Variants in FAM3A observed in about 807,000 individuals in gnomAD.
FAM3A encodes protein FAM3A.
FAM3A carries 5 observed loss-of-function variants against 18.1 expected under a neutral mutation model. That is an observed-to-expected ratio of 0.28 (90% CI 0.14 to 0.58). The LOEUF is 0.58. FAM3A is among the 20% of genes least tolerant of loss of function. The pLI is 0.91. For missense variants in FAM3A, 154 were observed against 216.6 expected, an observed-to-expected ratio of 0.71 and a Z score of 1.81; for synonymous variants, 108 against 90.2, an observed-to-expected ratio of 1.20 and a Z score of -1.12.
At position 154,507,487 on chromosome X, in the gene FAM3A, A is replaced by T. The variant is rs782495251; in HGVS notation, c.389T>A (p.Val130Asp). The stretch of plus-strand genomic sequence containing the variant: ...CCGAATAAACTTCAACAGGTCGTTG[A>T]CATCTGGGGGGGCAGGTGCCACGGA... ...ARAFDMWAGD[V>D]NDLLKFIRPL... The change falls in exon 7 of 9, where the codon GTC becomes GAC. Residue 130 changes from valine (V) to aspartate (D), a missense_variant. Physicochemically the swap from Val to Asp is radical, Grantham distance 152. This residue lies in a region of FAM3A where 112 missense variants were observed against 160.0 expected (regional missense o/e 0.70). Coordinates refer to ENST00000447601, the MANE Select transcript of FAM3A (RefSeq NM_021806.4). 6 of 1,209,279 alleles carry T rather than the reference A, an allele frequency of 5.0e-6. No individual in the cohort carries two copies. The Admixed American group carries it at 1.3e-4, about 26-fold the overall frequency.
intron 2 of FAM3A, chrX:154,512,248 T>TAAG (rs1236962825): frequency 3.0e-4 from 26 of 85,578 alleles, no homozygotes; most frequent in Non-Finnish European, 5.0e-4. Flanking sequence ...ATAATAATAA[T>TAAG]AATAATAATA....
At chrX:154,512,004 C>T in intron 2 of FAM3A, 133 bp from the exon 3 acceptor site, 3 of 508,143 alleles carry the variant, frequency 5.9e-6, no homozygotes, top group Non-Finnish European at 6.7e-6. Context: ...GCCAGGCCGA[C>T]CTTGGCATGC....
chrX:154,507,731 C>G (rs1024472065), intron 6 of FAM3A, 80 bp downstream of exon 6: 10 of 982,701 alleles, frequency 1.0e-5, no homozygotes, highest in Middle Eastern at 2.6e-4. Context: ...CAAGTACAGA[C>G]AGAGAGAGCA....
At position 154,508,558 on chromosome X, in the gene FAM3A, G is replaced by A; in HGVS notation, c.191C>T (p.Pro64Leu). 5 of 1,199,609 alleles carry A rather than the reference G, an allele frequency of 4.2e-6. No homozygotes were observed. Among genetic ancestry groups the A allele is most frequent in the Admixed American group, 2.2e-5 (1 of 44,456 alleles). ...GAAGGCCAGGTGCTCCTCAGGACAC[G>A]GCTGGGGCAGGCCACACTTGTACTT... ...ARKYKCGLPQ[P>L]CPEEHLAFRV... is the part of the protein sequence containing the mutation. Residue 64 changes from proline (P) to leucine (L), a missense_variant, in exon 4 of 9, where the codon CCG (proline) becomes CTG (leucine). Around this residue, in one of 3 missense-constraint regions of FAM3A, gnomAD observed 112 missense variants for 160.0 expected, o/e 0.70. Transcript: ENST00000447601.
chrX:154,515,590 G>A (rs1557225379), intron 1 of FAM3A, among the ~76,000 whole-genome samples, 170 bp downstream of exon 1: 1 of 112,375 alleles, frequency 8.9e-6, no homozygotes, highest in Non-Finnish European at 1.9e-5. Context: ...GTCCTCAGAG[G>A]TGAAAGGATT....
intron 1 of FAM3A, among the ~76,000 whole-genome samples, chrX:154,513,702 C>T (rs1327827851): frequency 1.8e-5 from 2 of 110,428 alleles, no homozygotes; most frequent in African/African-American, 6.6e-5. Flanking sequence ...ACCTGGATTG[C>T]AAGCTCCCCA....
chrX:154,512,394 G>A (rs1557223374), intron 2 of FAM3A: 1 of 233,456 alleles, frequency 4.3e-6, no homozygotes, highest in Non-Finnish European at 7.8e-6. Context: ...AACCGAGATT[G>A]CACCACTGCA....
In FAM3A at chrX:154,506,445, T is replaced by A; in HGVS notation, c.*366A>T. The stretch of plus-strand genomic sequence containing the variant: ...TGGAAGACGCCCCAACCTGCCGGGC[T>A]GCTCCCAGAGATGCACAGTGAGGGG... On this transcript the variant is annotated 3_prime_UTR_variant, in exon 9 of 9. Coordinates refer to ENST00000447601, the MANE Select transcript of FAM3A (RefSeq NM_021806.4). The A allele has an allele frequency of 4.6e-6, 1 of 217,196 alleles. No homozygotes were observed. The highest frequency in any genetic ancestry group is 8.6e-6 in the Non-Finnish European group (1 of 116,064). The allele number at this position is 217,196 out of a possible 1,213,427, so 17.9% of individuals were successfully genotyped here. A position where few individuals can be genotyped will look rare whatever the true frequency, so the allele number is the denominator to read the frequency against.
chrX:154,507,175 TG>T, intron 8 of FAM3A, 27 bp downstream of exon 8: 1 of 1,181,276 alleles, frequency 8.5e-7, no homozygotes, highest in South Asian at 1.8e-5. Flanking sequence ...GCTGCCCCGG[TG>T]GGGGTGATGC....
At chrX:154,514,867 C>T (rs142336884) in intron 1 of FAM3A, among the ~76,000 whole-genome samples, 2,147 of 106,879 alleles carry the variant, frequency 0.02, 22 homozygotes, top group Middle Eastern at 0.12. Flanking sequence ...TTTTTTGAGA[C>T]GGAGTCTCGC....
chrX:154,511,283 A>G (rs2069855552), intron 3 of FAM3A: 1 of 112,072 alleles, frequency 8.9e-6, no homozygotes, highest in Non-Finnish European at 1.9e-5. Flanking sequence ...TACAATGAAG[A>G]TGGGGTTATC....
rs782519169 is a variant in FAM3A, at chrX:154,506,706, G to A, written c.*105C>T. The A allele has an allele frequency of 9.0e-5, 55 of 611,525 alleles. No individual in the cohort carries two copies. Among genetic ancestry groups the A allele is most frequent in the African/African-American group, 1.5e-4 (7 of 45,523 alleles). The allele number at this position is 611,525 out of a possible 1,213,427, so 50.4% of individuals were successfully genotyped here. Reference sequence around the variant, plus strand: ...CCCCGATGTGTTGGGGCCAGGGAGCGCTCCTGCCCGGGTGTGGGGTGTGAG... The same window carrying A: ...CCCCGATGTGTTGGGGCCAGGGAGCACTCCTGCCCGGGTGTGGGGTGTGAG... On this transcript the variant is annotated 3_prime_UTR_variant, in exon 9 of 9. Transcript: ENST00000447601.
At position 154,509,063 on chromosome X, in the gene FAM3A, G is replaced by A. The variant is rs2069727601; in HGVS notation, c.152-466C>T. On this transcript the variant is annotated intron_variant, in intron 3 of 8. Coordinates refer to ENST00000447601, the MANE Select transcript of FAM3A (RefSeq NM_021806.4). ...GAATTCTGTCCCCTCAAGGTATGCT[G>A]AAGTTCTAATCTGTGGTACTTCAGA... 3 of 250,671 alleles carry A rather than the reference G, an allele frequency of 1.2e-5. No homozygotes were observed. The Admixed American group carries it at 1.6e-4, about 13-fold the overall frequency. The allele number at this position is 250,671 out of a possible 1,213,427, so 20.7% of individuals were successfully genotyped here. A position where few individuals can be genotyped will look rare whatever the true frequency, so the allele number is the denominator to read the frequency against.
rs782103791 is a variant in FAM3A at position 154,506,830 on chromosome X, C to T, written c.674G>A (p.Arg225Gln). The T allele has an allele frequency of 3.3e-5, 40 of 1,211,519 alleles. No homozygotes were observed. In the South Asian group the frequency reaches 4.0e-4, roughly 12 times the overall value. Residue 225 changes from arginine (R) to glutamine (Q), a missense_variant, in exon 9 of 9, where the codon CGG becomes CAG. Physicochemically the swap from Arg to Gln is conservative, Grantham distance 43. This residue lies in a region of FAM3A where 39 missense variants were observed against 38.5 expected (regional missense o/e 1.01). Transcript: ENST00000447601. ...EALEMEGCIP[R>Q]RSTAS Reference sequence around the variant, plus strand: ...GCCGTGCTAGCTGGCCGTGCTTCTCCGCGGGATACAGCCTTCCATCTCCAG... The same window carrying T: ...GCCGTGCTAGCTGGCCGTGCTTCTCTGCGGGATACAGCCTTCCATCTCCAG...
chrX:154,506,821 G>T lies in FAM3A; in HGVS notation c.683C>A (p.Thr228Lys). 1 of 1,210,453 alleles carries T rather than the reference G, an allele frequency of 8.3e-7. No homozygotes were observed. Among genetic ancestry groups the T allele is most frequent in the Non-Finnish European group, 1.1e-6 (1 of 894,131 alleles). The change falls in exon 9 of 9, where the codon ACG becomes AAG. Residue 228 changes from threonine to lysine, a missense_variant. Transcript: ENST00000447601. ...CTGGCACTGGCCGTGCTAGCTGGCC[G>T]TGCTTCTCCGCGGGATACAGCCTTC... ...EMEGCIPRRS[T>K]AS
Position 154,506,455 on chromosome X carries a change from G to GTTGC in FAM3A, c.*355_*356insGCAA, listed in dbSNP as rs2069524824. ...CCCAACCTGCCGGGCTGCTCCCAGA[G>GTTGC]ATGCACAGTGAGGGGCAGGCACCCA... On this transcript the variant is annotated 3_prime_UTR_variant, in exon 9 of 9. Coordinates refer to ENST00000447601, the MANE Select transcript of FAM3A (RefSeq NM_021806.4). The GTTGC allele has an allele frequency of 4.2e-6, 1 of 236,631 alleles. No individual in the cohort carries two copies. Among genetic ancestry groups the GTTGC allele is most frequent in the Non-Finnish European group, 7.8e-6 (1 of 127,590 alleles). 19.5% of individuals were successfully genotyped at this position (236,631 alleles called of 1,213,427 possible).
rs782353638 is a variant in FAM3A at position 154,506,584 on chromosome X, T to C, written c.*227A>G. The C allele has an allele frequency of 9.6e-6, 4 of 415,225 alleles. No individual in the cohort carries two copies. In the South Asian group the frequency reaches 1.1e-4, roughly 11 times the overall value. The allele number at this position is 415,225 out of a possible 1,213,427, so 34.2% of individuals were successfully genotyped here. On this transcript the variant is annotated 3_prime_UTR_variant, in exon 9 of 9. Transcript: ENST00000447601. ...AACAGTGTTACGAAAAGGAGGCGGG[T>C]ACCCTGGGCTCCCGTGACAAAGTGC... is the stretch of plus-strand genomic sequence containing the variant.
chrX:154,509,164 T>G, intron 3 of FAM3A: 1 of 199,191 alleles, frequency 5.0e-6, no homozygotes, highest in Non-Finnish European at 9.6e-6. Context: ...TAATGCAACA[T>G]GACTGATGTC....
intron 6 of FAM3A, 58 bp downstream of exon 6, chrX:154,507,753 G>T: frequency 1.9e-6 from 2 of 1,069,745 alleles, no homozygotes; most frequent in Non-Finnish European, 2.6e-6. Flanking sequence ...TGTCTCAGGG[G>T]AAGCTGCCCA....
Sources: allele counts gnomAD v4.1 joint callset (sites outside exome capture counted in the v4.1 genomes callset), GRCh38; gene constraint gnomAD v4.1.1; regional missense constraint gnomAD v4.1.1; transcripts MANE v1.5; gene names NCBI Gene and HGNC (gene_info 2026-07-23, HGNC 2026-07-21).